The following HIVEP3 variants were observed in gnomAD, a reference collection of about 807,000 sequenced individuals.
HIVEP3 encodes transcription factor HIVEP3.
In HIVEP3, 49 loss-of-function variants were observed where a neutral mutation model predicts 152.8. The observed-to-expected ratio is 0.32, with a 90% CI of 0.26 to 0.41. HIVEP3 has a LOEUF of 0.41. HIVEP3 is among the 10% of genes least tolerant of loss of function. The pLI, the probability that HIVEP3 is intolerant of heterozygous loss-of-function variation, is 1.00. For synonymous variants in HIVEP3, 1,269 were observed against 1,289.0 expected, an observed-to-expected ratio of 0.98 and a Z score of 0.33; for missense variants, 2,790 against 3,103.3, an observed-to-expected ratio of 0.90 and a Z score of 2.40.
At chr1:41,998,862 G>C (rs1645409855) in intron 1 of HIVEP3, among the ~76,000 whole-genome samples, 1 of 122,662 alleles carries the variant, frequency 8.2e-6, no homozygotes, top group East Asian at 2.4e-4. Flanking sequence ...AATCATTTTT[G>C]CTGGTTTTTA....
At chr1:41,963,870 A>T (rs888156773) in intron 1 of HIVEP3, among the ~76,000 whole-genome samples, 13 of 152,310 alleles carry the variant, frequency 8.5e-5, no homozygotes, top group Admixed American at 8.5e-4. Context: ...TCACTCCCGG[A>T]CATACTCAGA....
chr1:41,763,031 CT>C (rs1035876326), intron 1 of HIVEP3, among the ~76,000 whole-genome samples: 2 of 152,170 alleles, frequency 1.3e-5, no homozygotes, highest in African/African-American at 4.8e-5. Flanking sequence ...AGTGTGAACA[CT>C]AATACAAAAG....
intron 3 of HIVEP3, among the ~76,000 whole-genome samples, chr1:41,611,200 G>A (rs1017182243): frequency 7.9e-5 from 12 of 152,166 alleles, no homozygotes; most frequent in Non-Finnish European, 1.3e-4. Flanking sequence ...ATAAACAAAC[G>A]CTAAGTTGAA....
At chr1:41,795,176 T>C (rs1649915385) in intron 1 of HIVEP3, among the ~76,000 whole-genome samples, 1 of 152,220 alleles carries the variant, frequency 6.6e-6, no homozygotes, top group Admixed American at 6.5e-5. Flanking sequence ...GGATCTGACA[T>C]TGCATTTAGA....
intron 1 of HIVEP3, among the ~76,000 whole-genome samples, chr1:41,711,460 G>A (rs1418354262): frequency 1.3e-5 from 2 of 152,166 alleles, no homozygotes; most frequent in African/African-American, 4.8e-5. Context: ...CTGGGCTTTG[G>A]GGCCAGACAG....
chr1:42,024,549 A>G (rs1450344288), intron 1 of HIVEP3, among the ~76,000 whole-genome samples: 2 of 152,114 alleles, frequency 1.3e-5, no homozygotes, highest in East Asian at 3.8e-4. Flanking sequence ...AATGCTCTTG[A>G]TTCTTTTTAC....
At chr1:41,877,192 C>T (rs1274441145) in intron 1 of HIVEP3, among the ~76,000 whole-genome samples, 8 of 152,190 alleles carry the variant, frequency 5.3e-5, no homozygotes, top group African/African-American at 1.9e-4. Flanking sequence ...ACCCAAACCC[C>T]TCCCCAGAAG....
chr1:41,691,878 G>A (rs981979687), intron 2 of HIVEP3, among the ~76,000 whole-genome samples: 1 of 124,386 alleles, frequency 8.0e-6, no homozygotes, highest in Non-Finnish European at 1.5e-5. Context: ...TGTGCAGAGT[G>A]GTGAATTTTT....
chr1:41,562,544 T>G (rs1423154247), intron 5 of HIVEP3, among the ~76,000 whole-genome samples: 1 of 138,986 alleles, frequency 7.2e-6, no homozygotes, highest in Admixed American at 7.0e-5. Context: ...CTTCCTTCCT[T>G]CCTTCCTTCC....
intron 3 of HIVEP3, among the ~76,000 whole-genome samples, chr1:41,611,561 C>G (rs544686026): frequency 6.6e-6 from 1 of 152,370 alleles, no homozygotes; most frequent in South Asian, 2.1e-4. Context: ...GGCACACATT[C>G]AACAAAGAGT....
intron 1 of HIVEP3, among the ~76,000 whole-genome samples, chr1:41,733,368 C>T (rs939108186): frequency 2.0e-5 from 3 of 152,218 alleles, no homozygotes; most frequent in Admixed American, 6.5e-5. Flanking sequence ...GACAGCTTGA[C>T]AATGGAGGAT....
At chr1:41,620,545 C>T (rs1645032105) in intron 3 of HIVEP3, among the ~76,000 whole-genome samples, 1 of 152,080 alleles carries the variant, frequency 6.6e-6, no homozygotes, top group African/African-American at 2.4e-5. Flanking sequence ...GTCTCTAATC[C>T]CCTGCTTTTC....
intron 1 of HIVEP3, among the ~76,000 whole-genome samples, chr1:41,824,784 T>TAGAGAGAGAG (rs397979993): frequency 1.0e-2 from 112 of 11,250 alleles, no homozygotes; most frequent in Middle Eastern, 0.071. Flanking sequence ...TATATATATA[T>TAGAGAGAGAG]AGAGAGAGAG....
Position 41,511,375 on chromosome 1 carries a change from C to T in HIVEP3, c.6406-109G>A, listed in dbSNP as rs1644453927. 9.7e-7 allele frequency: 1 copy of T among 1,035,462 alleles called. No individual in the cohort carries two copies. The highest frequency in any genetic ancestry group is 1.4e-6 in the Non-Finnish European group (1 of 729,578). The allele number at this position is 1,035,462 out of a possible 1,614,324, so 64.1% of individuals were successfully genotyped here. A position where few individuals can be genotyped will look rare whatever the true frequency, so the allele number is the denominator to read the frequency against. On this transcript the variant is annotated intron_variant, in intron 8 of 8. Transcript: ENST00000372583. The surrounding 1 kb of genome is among the most constrained non-coding windows in gnomAD (Gnocchi z 4.9). ...CTCGCCCAAGATCACAGAGCGAGTC[C>T]AGGGTCCCGGCTGAGCTGAGCCCAG... is the stretch of plus-strand genomic sequence containing the variant.
chr1:41,523,037 CA>C (rs1642804442), intron 6 of HIVEP3, among the ~76,000 whole-genome samples: 1 of 139,068 alleles, frequency 7.2e-6, no homozygotes. Flanking sequence ...CCAGCATTAA[CA>C]GTTATTCTGT....
chr1:41,765,131 G>A (rs573018550), intron 1 of HIVEP3, among the ~76,000 whole-genome samples: 7 of 152,246 alleles, frequency 4.6e-5, no homozygotes, highest in Admixed American at 3.9e-4. Context: ...GGATTTAGGG[G>A]GCTCCCAGAA....
At chr1:41,528,225 C>T (rs568162673) in intron 5 of HIVEP3, among the ~76,000 whole-genome samples, 12 of 127,854 alleles carry the variant, frequency 9.4e-5, no homozygotes, top group African/African-American at 3.6e-4. Context: ...TCACACTCCA[C>T]CCTCACACCC....
intron 1 of HIVEP3, among the ~76,000 whole-genome samples, chr1:41,739,578 C>T (rs944810834): frequency 2.6e-5 from 4 of 152,058 alleles, no homozygotes; most frequent in Non-Finnish European, 5.9e-5. Flanking sequence ...TTGGGGTTGC[C>T]CCCACCCCCT....
At chr1:42,015,855 T>A (rs2124532288) in intron 1 of HIVEP3, among the ~76,000 whole-genome samples, 1 of 152,390 alleles carries the variant, frequency 6.6e-6, no homozygotes, top group South Asian at 2.1e-4. Context: ...ATCCTGCCAA[T>A]TCTCCATCAT....
Sources: gnomAD v4.1 joint callset for allele counts (sites outside exome capture counted in the v4.1 genomes callset) on GRCh38, gnomAD v4.1.1 for gene constraint, Gnocchi (gnomAD v3.1) non-coding constraint, MANE v1.5 for transcripts, NCBI Gene and HGNC (gene_info 2026-07-23, HGNC 2026-07-21) for gene names.